The following RBFOX1 variants were observed in gnomAD, a reference collection of about 807,000 sequenced individuals.
RBFOX1 encodes RNA binding fox-1 homolog 1.
A neutral mutation model predicts 57.7 loss-of-function variants in RBFOX1; 8 were observed. That is an observed-to-expected ratio of 0.14 (90% CI 0.08 to 0.25). RBFOX1 has a LOEUF of 0.25. Ranked by LOEUF, RBFOX1 falls within the 10% of genes least tolerant of loss-of-function variation. RBFOX1 has a pLI of 1.00. For synonymous variants in RBFOX1, 326 were observed against 222.4 expected, an observed-to-expected ratio of 1.47 and a Z score of -4.15; for missense variants, 611 against 548.5, an observed-to-expected ratio of 1.11 and a Z score of -1.14.
At chr16:5,435,048 A>G (rs2067874014) in intron 1 of RBFOX1, among the ~76,000 whole-genome samples, 1 of 152,238 alleles carries the variant, frequency 6.6e-6, no homozygotes, top group Non-Finnish European at 1.5e-5. Context: ...TTGATTTTAA[A>G]AATTGCAAAA....
chr16:7,449,893 G>A (rs550078626), intron 4 of RBFOX1, among the ~76,000 whole-genome samples: 36 of 152,258 alleles, frequency 2.4e-4, no homozygotes, highest in Non-Finnish European at 4.7e-4. Flanking sequence ...AGACATTTGT[G>A]AAGGGACACT....
chr16:6,307,318 G>C (rs537337821), intron 1 of RBFOX1, among the ~76,000 whole-genome samples: 1 of 152,224 alleles, frequency 6.6e-6, no homozygotes, highest in South Asian at 2.1e-4. Flanking sequence ...GGGAGGCGGA[G>C]CTTGCAGTGA....
chr16:6,003,516 T>A (rs2060638228), intron 4 of RBFOX1, among the ~76,000 whole-genome samples: 1 of 140,100 alleles, frequency 7.1e-6, no homozygotes, highest in South Asian at 2.4e-4. Context: ...GGCACAAGGA[T>A]GACTTCATTG....
intron 3 of RBFOX1, among the ~76,000 whole-genome samples, chr16:6,854,806 G>C (rs1183629796): frequency 2.0e-5 from 3 of 151,982 alleles, no homozygotes; most frequent in Non-Finnish European, 4.4e-5. Context: ...ATGTTAGCCA[G>C]GATGGTCTGC....
intron 4 of RBFOX1, among the ~76,000 whole-genome samples, chr16:7,182,969 C>T (rs2141900): frequency 6.6e-6 from 1 of 152,028 alleles, no homozygotes; most frequent in Non-Finnish European, 1.5e-5. Context: ...CCTTCCCACA[C>T]TGGAATCTAA....
chr16:5,384,354 T>G (rs144871003), intron 1 of RBFOX1, among the ~76,000 whole-genome samples: 1 of 152,306 alleles, frequency 6.6e-6, no homozygotes, highest in Non-Finnish European at 1.5e-5. Flanking sequence ...GCATACAGTC[T>G]GGCCAATGTC....
chr16:7,345,324 C>T (rs993132210), intron 4 of RBFOX1, among the ~76,000 whole-genome samples: 1 of 152,114 alleles, frequency 6.6e-6, no homozygotes, highest in African/African-American at 2.4e-5. Flanking sequence ...GGGGCCTGCT[C>T]TCGGGGAGGT....
intron 3 of RBFOX1, among the ~76,000 whole-genome samples, chr16:6,818,110 A>G (rs1016604909): frequency 1.3e-5 from 2 of 151,840 alleles, no homozygotes; most frequent in African/African-American, 4.8e-5. Flanking sequence ...CAGATTTTCC[A>G]CCCCTCCCTC....
intron 4 of RBFOX1, among the ~76,000 whole-genome samples, chr16:7,305,363 G>A (rs1555689349): frequency 6.6e-6 from 1 of 152,120 alleles, no homozygotes; most frequent in Non-Finnish European, 1.5e-5. Context: ...CACTGCCCTT[G>A]TAGGGTGACA....
intron 4 of RBFOX1, among the ~76,000 whole-genome samples, chr16:6,008,367 C>T (rs1318522440): frequency 6.6e-6 from 1 of 152,012 alleles, no homozygotes; most frequent in Non-Finnish European, 1.5e-5. Context: ...GAAGAAATAG[C>T]AGCTGGGATC....
chr16:6,737,921 GT>G (rs970332070), intron 3 of RBFOX1, among the ~76,000 whole-genome samples: 12 of 152,120 alleles, frequency 7.9e-5, no homozygotes, highest in African/African-American at 2.9e-4. Context: ...TTAAAAATTT[GT>G]TAAATAAGAT....
intron 4 of RBFOX1, among the ~76,000 whole-genome samples, chr16:7,171,430 T>G (rs188437262): frequency 3.3e-5 from 5 of 152,348 alleles, no homozygotes; most frequent in African/African-American, 1.2e-4. Flanking sequence ...TTTTGTATGT[T>G]CCCTGGTTGC....
At chr16:6,606,905 T>C (rs1209586777) in intron 2 of RBFOX1, among the ~76,000 whole-genome samples, 1 of 152,200 alleles carries the variant, frequency 6.6e-6, no homozygotes, top group African/African-American at 2.4e-5. Context: ...ATGGTGTTTC[T>C]TGTTCTGAAT....
At chr16:6,350,689 A>G (rs901159606) in intron 2 of RBFOX1, among the ~76,000 whole-genome samples, 3 of 152,154 alleles carry the variant, frequency 2.0e-5, no homozygotes, top group African/African-American at 7.2e-5. Context: ...AGTAATTACT[A>G]GGTCCTAAAG....
intron 3 of RBFOX1, among the ~76,000 whole-genome samples, chr16:5,695,771 G>A (rs1026441258): frequency 6.6e-6 from 1 of 152,148 alleles, no homozygotes; most frequent in African/African-American, 2.4e-5. Flanking sequence ...ATACTTACTA[G>A]TTTTGTATAC....
intron 2 of RBFOX1, among the ~76,000 whole-genome samples, chr16:6,500,109 C>A (rs190848310): frequency 1.7e-4 from 26 of 152,248 alleles, no homozygotes; most frequent in African/African-American, 6.0e-4. Context: ...GTTGAAGGAG[C>A]CATTCTTGAA....
intron 1 of RBFOX1, among the ~76,000 whole-genome samples, chr16:5,353,193 G>A (rs552486546): frequency 6.6e-5 from 10 of 152,072 alleles, no homozygotes; most frequent in Non-Finnish European, 1.3e-4. Flanking sequence ...GGCCAACATG[G>A]TGAAATCCCA....
intron 4 of RBFOX1, among the ~76,000 whole-genome samples, chr16:6,000,933 G>A (rs2060588781): frequency 1.3e-5 from 2 of 150,586 alleles, no homozygotes; most frequent in South Asian, 4.3e-4. Flanking sequence ...AGATGGATGG[G>A]TGGTTGGATG....
intron 4 of RBFOX1, among the ~76,000 whole-genome samples, chr16:7,229,308 C>G (rs1243342029): frequency 6.6e-6 from 1 of 152,094 alleles, no homozygotes; most frequent in South Asian, 2.1e-4. Flanking sequence ...TGAGATGGCC[C>G]AAATTTCCTT....
Sources: allele counts gnomAD v4.1 joint callset (sites outside exome capture counted in the v4.1 genomes callset), GRCh38; gene constraint gnomAD v4.1.1; transcripts MANE v1.5; gene names NCBI Gene and HGNC (gene_info 2026-07-23, HGNC 2026-07-21).